Variants in HERC6 observed in about 807,000 individuals in gnomAD.
The protein encoded by HERC6 is probable E3 ubiquitin-protein ligase HERC6.
A neutral mutation model predicts 114.5 loss-of-function variants in HERC6; 101 were observed. The observed-to-expected ratio is 0.88, with a 90% CI of 0.75 to 1.04. The LOEUF is 1.04. Ranked by LOEUF, HERC6 falls within the 50% of genes least tolerant of loss-of-function variation. The pLI is 0.00. For synonymous variants in HERC6, 408 were observed against 436.2 expected (o/e 0.94, Z 0.81); for missense variants, 1,133 against 1,230.9 (o/e 0.92, Z 1.19).
At chr4:88,422,149 C>G (rs2148944546) in intron 13 of HERC6, among the ~76,000 whole-genome samples, 1 of 152,162 alleles carries the variant, frequency 6.6e-6, no homozygotes, top group East Asian at 1.9e-4. Context: ...TTTTAACTGT[C>G]TTTGATGTAT....
chr4:88,414,012 A>G (rs1453974004), intron 12 of HERC6, among the ~76,000 whole-genome samples: 1 of 152,178 alleles, frequency 6.6e-6, no homozygotes, highest in Non-Finnish European at 1.5e-5. Context: ...GATGGCATGA[A>G]AGGCAATTCT....
intron 2 of HERC6, among the ~76,000 whole-genome samples, chr4:88,384,405 T>C (rs1175619324): frequency 6.6e-6 from 1 of 152,158 alleles, no homozygotes; most frequent in Non-Finnish European, 1.5e-5. Context: ...CATAAACCAC[T>C]GGGCCCTAAC....
chr4:88,391,104 A>T (rs1403159552), intron 4 of HERC6, among the ~76,000 whole-genome samples: 1 of 152,220 alleles, frequency 6.6e-6, no homozygotes, highest in Non-Finnish European at 1.5e-5. Flanking sequence ...TCTGGAGGTC[A>T]GGATTCTGAC....
At chr4:88,400,720 AG>A (rs1332646659) in intron 8 of HERC6, among the ~76,000 whole-genome samples, 9 of 152,214 alleles carry the variant, frequency 5.9e-5, no homozygotes, top group African/African-American at 2.2e-4. Context: ...AGAGAAAGAC[AG>A]GGGCACCACG....
intron 1 of HERC6, among the ~76,000 whole-genome samples, chr4:88,379,664 T>C (rs1356839812): frequency 1.0e-5 from 1 of 98,978 alleles, no homozygotes; most frequent in Non-Finnish European, 1.8e-5. Context: ...TATATAAATA[T>C]ATATAATATA....
In HERC6 at chr4:88,440,031, G is replaced by T; in HGVS notation, c.2713G>T (p.Asp905Tyr). The T allele has an allele frequency of 6.2e-7, 1 of 1,610,190 alleles. No homozygotes were observed. The highest frequency in any genetic ancestry group is 1.1e-5 in the South Asian group (1 of 89,928). ...ELMTAIIGNT[D>Y]YDWKQFEQNS... The stretch of plus-strand genomic sequence containing the variant: ...AATGACAGCAATCATTGGAAATACT[G>T]ATTATGACTGGAAACAGTTTGAACA... Residue 905 changes from aspartate to tyrosine, a missense_variant, in exon 21 of 23, where the codon GAT becomes TAT. Transcript: ENST00000264346.
chr4:88,427,113 A>T (rs956698562), intron 15 of HERC6, among the ~76,000 whole-genome samples: 1 of 152,346 alleles, frequency 6.6e-6, no homozygotes, highest in East Asian at 1.9e-4. Context: ...TCTTACTTTT[A>T]GTTGTTATGA....
intron 18 of HERC6, 123 bp downstream of exon 18, chr4:88,436,014 G>C (rs1192362735): frequency 3.0e-6 from 2 of 667,576 alleles, no homozygotes; most frequent in East Asian, 6.6e-5. Flanking sequence ...GCTCTTGAGA[G>C]GAATTTGAAT....
intron 3 of HERC6, among the ~76,000 whole-genome samples, chr4:88,389,901 G>A (rs751778809): frequency 5.3e-5 from 8 of 152,018 alleles, no homozygotes; most frequent in Non-Finnish European, 1.0e-4. Context: ...ACTCAGCCAG[G>A]CACGGTAGCT....
At chr4:88,394,971 G>T (rs537479790) in intron 5 of HERC6, among the ~76,000 whole-genome samples, 90 of 152,226 alleles carry the variant, frequency 5.9e-4, no homozygotes, top group Non-Finnish European at 9.9e-4. Context: ...TTCATTTCTT[G>T]CTTGGCATAG....
At chr4:88,435,929 T>G (rs371000005) in intron 18 of HERC6, 38 bp downstream of exon 18, 1 of 1,473,958 alleles carries the variant, frequency 6.8e-7, no homozygotes, top group Non-Finnish European at 9.1e-7. Flanking sequence ...CCGTATCTAG[T>G]AAGTCTCAGT....
intron 22 of HERC6, among the ~76,000 whole-genome samples, chr4:88,441,945 C>T (rs182200742): frequency 7.2e-5 from 11 of 152,246 alleles, no homozygotes; most frequent in Admixed American, 5.9e-4. Context: ...TGTTTCTCTC[C>T]CTGCTGAATC....
At chr4:88,408,493 A>C (rs377582018) in intron 10 of HERC6, 31 bp from the exon 11 acceptor site, 1 of 1,314,006 alleles carries the variant, frequency 7.6e-7, no homozygotes, top group South Asian at 1.2e-5. Flanking sequence ...CCTTATGTTT[A>C]TGTGGTTTCT....
At position 88,382,755 on chromosome 4, in the gene HERC6, C is replaced by A. The variant is rs75549477; in HGVS notation, c.200-466C>A. Among the ~76,000 whole-genome samples, 620 of 152,200 alleles carry A rather than the reference C, an allele frequency of 4.1e-3. 4 individuals are homozygous for A. The highest frequency in any genetic ancestry group is 0.014 in the African/African-American group (574 of 41,522). On this transcript the variant is annotated intron_variant, in intron 1 of 22. Coordinates refer to ENST00000264346, the MANE Select transcript of HERC6 (RefSeq NM_017912.4). ...AGATGCCAGGGGGAACCTTTGATAA[C>A]GTGTTCCAGGAAGCAAGACAAAGAA...
chr4:88,407,446 G>A (rs995253023), intron 10 of HERC6, among the ~76,000 whole-genome samples: 9 of 152,098 alleles, frequency 5.9e-5, no homozygotes, highest in South Asian at 2.1e-4. Flanking sequence ...TGTTGCCCAC[G>A]CTGTAATGCA....
intron 19 of HERC6, 60 bp from the exon 20 acceptor site, chr4:88,437,651 G>C: frequency 4.0e-6 from 4 of 991,924 alleles, no homozygotes; most frequent in Non-Finnish European, 6.3e-6. Flanking sequence ...AAGATATTAT[G>C]GGTGGTTGAT....
At chr4:88,408,469 A>G in intron 10 of HERC6, 55 bp from the exon 11 acceptor site, 1 of 1,106,744 alleles carries the variant, frequency 9.0e-7, no homozygotes, top group South Asian at 1.3e-5. Context: ...TACAAACTTT[A>G]GAAATATCCC....
intron 5 of HERC6, among the ~76,000 whole-genome samples, chr4:88,394,729 G>T (rs547352496): frequency 2.0e-5 from 3 of 151,542 alleles, no homozygotes; most frequent in African/African-American, 2.4e-5. Context: ...ATTTTTAGTA[G>T]AGACAGGGTT....
intron 6 of HERC6, 112 bp downstream of exon 6, chr4:88,396,254 A>T: frequency 1.2e-6 from 1 of 830,014 alleles, no homozygotes; most frequent in Non-Finnish European, 1.7e-6. Flanking sequence ...CCTGCCTGAA[A>T]ATTTACTTAT....
Sources: gnomAD v4.1 joint callset for allele counts (sites outside exome capture counted in the v4.1 genomes callset) on GRCh38, gnomAD v4.1.1 for gene constraint, MANE v1.5 for transcripts, NCBI Gene and HGNC (gene_info 2026-07-23, HGNC 2026-07-21) for gene names.